Variants in MAD1L1 observed in about 807,000 individuals in gnomAD.
MAD1L1 encodes mitotic arrest deficient 1 like 1, also known as mitotic spindle assembly checkpoint protein MAD1.
Under a neutral mutation model 96.9 loss-of-function variants are expected in MAD1L1, and 95 were observed. The ratio of observed to expected loss-of-function variants is 0.98; its 90% CI spans 0.83 to 1.16. The LOEUF is 1.16. MAD1L1 is among the 50% of genes most tolerant of loss of function. The probability of loss-of-function intolerance (pLI) is 0.00; values close to 1 mark genes in which losing one functional copy is unlikely to be tolerated. For synonymous variants in MAD1L1, 473 were observed against 396.6 expected (o/e 1.19, Z -2.29); for missense variants, 1,007 against 954.4 (o/e 1.06, Z -0.73).
intron 10 of MAD1L1, among the ~76,000 whole-genome samples, chr7:2,212,509 A>G (rs1169254268): frequency 1.3e-5 from 2 of 152,150 alleles, no homozygotes; most frequent in Non-Finnish European, 2.9e-5. Flanking sequence ...TGTCTTCATG[A>G]TAGTGAGTTC....
At chr7:1,934,851 C>T (rs147905980) in intron 17 of MAD1L1, among the ~76,000 whole-genome samples, 36 of 152,024 alleles carry the variant, frequency 2.4e-4, no homozygotes, top group African/African-American at 8.7e-4. Flanking sequence ...CAGGCAGAGA[C>T]CCAGACAACA....
At chr7:1,957,106 G>C (rs907706700) in intron 16 of MAD1L1, among the ~76,000 whole-genome samples, 4 of 152,248 alleles carry the variant, frequency 2.6e-5, no homozygotes, top group Admixed American at 1.3e-4. Flanking sequence ...GCTGAGGACA[G>C]GCCAGCGCGG....
chr7:2,190,332 G>T (rs189002855), intron 10 of MAD1L1, among the ~76,000 whole-genome samples: 1 of 152,106 alleles, frequency 6.6e-6, no homozygotes, highest in Non-Finnish European at 1.5e-5. Context: ...GCAGGAAAGC[G>T]ACCCTCAACT....
At chr7:2,115,058 G>A (rs185555829) in intron 11 of MAD1L1, among the ~76,000 whole-genome samples, 55 of 152,324 alleles carry the variant, frequency 3.6e-4, no homozygotes, top group African/African-American at 1.0e-3. Flanking sequence ...AGCTGGAGGC[G>A]CCAGCTCAGT....
At chr7:1,989,056 A>G (rs1781288778) in intron 14 of MAD1L1, among the ~76,000 whole-genome samples, 1 of 152,240 alleles carries the variant, frequency 6.6e-6, no homozygotes, top group South Asian at 2.1e-4. Context: ...ACTAACCAAC[A>G]AAACAACCCA....
At chr7:2,218,064 C>T (rs747387214) in intron 6 of MAD1L1, 21 bp from the exon 7 acceptor site, 4 of 1,591,596 alleles carry the variant, frequency 2.5e-6, no homozygotes, top group Non-Finnish European at 3.4e-6. Context: ...AAAAATACAT[C>T]ACACACAGAA....
chr7:2,095,149 TCTC>T (rs1786418868), intron 11 of MAD1L1, among the ~76,000 whole-genome samples: 1 of 152,040 alleles, frequency 6.6e-6, no homozygotes, highest in African/African-American at 2.4e-5. Flanking sequence ...TTCACGCCAT[TCTC>T]CTGCCTCAGC....
At chr7:2,155,515 G>A (rs962455109) in intron 10 of MAD1L1, among the ~76,000 whole-genome samples, 13 of 152,076 alleles carry the variant, frequency 8.5e-5, no homozygotes, top group South Asian at 2.1e-4. Context: ...ACTACCTTCC[G>A]TCTCTAAGAA....
chr7:2,161,570 T>TGCCATC (rs1268986241), intron 10 of MAD1L1, among the ~76,000 whole-genome samples: 31 of 151,694 alleles, frequency 2.0e-4, no homozygotes, highest in African/African-American at 7.0e-4. Context: ...CCGCCCATCG[T>TGCCATC]GTGGGATGTG....
intron 12 of MAD1L1, among the ~76,000 whole-genome samples, chr7:2,060,696 T>C (rs1049603267): frequency 6.6e-6 from 1 of 152,210 alleles, no homozygotes; most frequent in Non-Finnish European, 1.5e-5. Context: ...GCCACGGCCA[T>C]GGCAGCGCCA....
intron 10 of MAD1L1, among the ~76,000 whole-genome samples, chr7:2,179,108 C>T: frequency 1.3e-5 from 2 of 152,156 alleles, no homozygotes; most frequent in East Asian, 3.8e-4. Context: ...TGAAAACTAA[C>T]CAAAGGCTTA....
At chr7:2,147,017 A>G (rs1175422799) in intron 11 of MAD1L1, among the ~76,000 whole-genome samples, 2 of 152,098 alleles carry the variant, frequency 1.3e-5, no homozygotes, top group African/African-American at 4.8e-5. Flanking sequence ...AAGTGCACAA[A>G]AGGGCCAGGC....
rs190600979 is a variant in MAD1L1, at chr7:2,044,762, G to A, written c.1218+24432C>T. On this transcript the variant is annotated intron_variant, in intron 12 of 18. Coordinates refer to ENST00000265854, the MANE Select transcript of MAD1L1 (RefSeq NM_001013836.2). ...AGTGAGGATGACAAGAACTGGAACT[G>A]GAGTCCCAGCTCAGTGAGACAGACC... Among the ~76,000 whole-genome samples the A allele has an allele frequency of 9.1e-4, 139 of 152,298 alleles. 1 individual carries two copies. Among genetic ancestry groups the A allele is most frequent in the Non-Finnish European group, 1.6e-3 (108 of 68,026 alleles).
intron 10 of MAD1L1, among the ~76,000 whole-genome samples, chr7:2,185,993 C>G (rs550816253): frequency 6.6e-6 from 1 of 152,320 alleles, no homozygotes; most frequent in African/African-American, 2.4e-5. Flanking sequence ...GCACTGTCAT[C>G]TGAAACATCT....
At chr7:1,848,077 A>G (rs1296600944) in intron 18 of MAD1L1, 1 of 300,186 alleles carries the variant, frequency 3.3e-6, no homozygotes, top group East Asian at 8.8e-5. Context: ...TGGGGTGTGC[A>G]GAGACGATGA....
chr7:1,933,790 C>T (rs1003628421), intron 17 of MAD1L1, among the ~76,000 whole-genome samples: 5 of 152,174 alleles, frequency 3.3e-5, no homozygotes, highest in Admixed American at 6.5e-5. Flanking sequence ...CAGATGGTTC[C>T]GGGGACCCAT....
intron 12 of MAD1L1, among the ~76,000 whole-genome samples, chr7:2,018,034 C>A (rs1267015749): frequency 6.6e-6 from 1 of 152,062 alleles, no homozygotes; most frequent in Non-Finnish European, 1.5e-5. Flanking sequence ...GACGCCGGCC[C>A]TGTTGGAGGT....
chr7:1,949,737 C>T (rs1156609366), intron 16 of MAD1L1, among the ~76,000 whole-genome samples: 2 of 152,244 alleles, frequency 1.3e-5, no homozygotes, highest in Admixed American at 6.5e-5. Context: ...GTCCCTTGGA[C>T]GCAGTGCCTG....
intron 12 of MAD1L1, among the ~76,000 whole-genome samples, chr7:2,040,033 A>T (rs1318671555): frequency 6.6e-6 from 1 of 152,244 alleles, no homozygotes; most frequent in Non-Finnish European, 1.5e-5. Flanking sequence ...TGGGCCAACC[A>T]AGGAAACAAG....
Sources: allele counts gnomAD v4.1 joint callset (sites outside exome capture counted in the v4.1 genomes callset), GRCh38; gene constraint gnomAD v4.1.1; transcripts MANE v1.5; gene names NCBI Gene and HGNC (gene_info 2026-07-23, HGNC 2026-07-21).